The following MTA3 variants were observed in gnomAD, a reference collection of about 807,000 sequenced individuals.
The protein encoded by MTA3 is metastasis-associated protein MTA3.
Under a neutral mutation model 83.5 loss-of-function variants are expected in MTA3, and 34 were observed. The ratio of observed to expected loss-of-function variants is 0.41; its 90% CI spans 0.31 to 0.54. MTA3 has a LOEUF of 0.54. Among genes scored for constraint, MTA3 ranks in the 20% least tolerant of loss-of-function variants. The pLI, the probability that MTA3 is intolerant of heterozygous loss-of-function variation, is 0.33. For missense variants in MTA3, 761 were observed against 726.4 expected (o/e 1.05, Z -0.55); for synonymous variants, 303 against 252.7 (o/e 1.20, Z -1.89).
At chr2:42,704,078 C>G in intron 11 of MTA3, 116 bp from the exon 12 acceptor site, 1 of 1,190,916 alleles carries the variant, frequency 8.4e-7, no homozygotes, top group Non-Finnish European at 1.2e-6. Context: ...CTTCTTCACA[C>G]ATTTTAAAAT....
rs78043832 is a variant in MTA3, at chr2:42,673,477, G to A, written c.703-8924G>A. Reference sequence around the variant, plus strand: ...CCTATGATGAGTTTTTTGGGACGTAGCCATCAGTTGCAGAGCATTTGCAGT... The same window carrying A: ...CCTATGATGAGTTTTTTGGGACGTAACCATCAGTTGCAGAGCATTTGCAGT... On this transcript the variant is annotated intron_variant, in intron 8 of 16. Transcript: ENST00000405094. Among the ~76,000 whole-genome samples the A allele has an allele frequency of 6.6e-3, 998 of 152,268 alleles. 10 individuals carry two copies. The highest frequency in any genetic ancestry group is 0.022 in the African/African-American group (907 of 41,542).
At chr2:42,610,507 A>T (rs933594488) in intron 4 of MTA3, among the ~76,000 whole-genome samples, 2 of 152,214 alleles carry the variant, frequency 1.3e-5, no homozygotes, top group Non-Finnish European at 2.9e-5. Flanking sequence ...TCTACTGCAG[A>T]AAAAACAAAA....
rs1170167625 is a variant in MTA3, at chr2:42,753,755, C to G, written c.*356C>G. 5.2e-6 allele frequency: 6 copies of G among 1,147,486 alleles called. No individual in the cohort carries two copies. Among genetic ancestry groups the G allele is most frequent in the East Asian group, 6.0e-5 (1 of 16,704 alleles). 71.1% of individuals were successfully genotyped at this position (1,147,486 alleles called of 1,614,324 possible). On this transcript the variant is annotated 3_prime_UTR_variant, in exon 17 of 17. Transcript: ENST00000405094. The stretch of plus-strand genomic sequence containing the variant: ...CTTGGCAGTGGGGCTGCTGCAAGCT[C>G]AGAGCCGCTGCCACCCTGCATGTGT...
intron 4 of MTA3, among the ~76,000 whole-genome samples, chr2:42,633,950 A>G (rs1218552971): frequency 1.3e-5 from 2 of 152,172 alleles, no homozygotes; most frequent in African/African-American, 4.8e-5. Flanking sequence ...TGTTACCAAG[A>G]TATAATTAAG....
At chr2:42,506,325 A>G (rs963321363) in intron 2 of MTA3, among the ~76,000 whole-genome samples, 15 of 151,828 alleles carry the variant, frequency 9.9e-5, no homozygotes, top group African/African-American at 3.6e-4. Context: ...GTGGTACTCT[A>G]TGCCTGTGAT....
chr2:42,552,885 A>G (rs1183879054), intron 2 of MTA3, among the ~76,000 whole-genome samples: 3 of 150,946 alleles, frequency 2.0e-5, no homozygotes, highest in African/African-American at 7.3e-5. Flanking sequence ...AGGAGGTGGA[A>G]GCTGCATTGA....
intron 14 of MTA3, among the ~76,000 whole-genome samples, chr2:42,713,728 T>G (rs1666810904): frequency 6.6e-6 from 1 of 152,350 alleles, no homozygotes; most frequent in South Asian, 2.1e-4. Flanking sequence ...TGCTTTTTAC[T>G]TAACATACCG....
chr2:42,530,215 C>T (rs1675896037), intron 2 of MTA3, among the ~76,000 whole-genome samples: 2 of 150,612 alleles, frequency 1.3e-5, no homozygotes, highest in Admixed American at 6.6e-5. Context: ...CCATTGCCGG[C>T]ATGGTGGCTC....
chr2:42,698,063 T>G lies in MTA3; in HGVS notation c.1025+229T>G, dbSNP rs1028335713. Among the ~76,000 whole-genome samples, 5 of 152,320 alleles carry G rather than the reference T, an allele frequency of 3.3e-5. No homozygotes were observed. The East Asian group carries it at 9.6e-4, about 29-fold the overall frequency. On this transcript the variant is annotated intron_variant, in intron 11 of 16. Transcript: ENST00000405094. ...AGAAATGTACTATGTACTATACTTTTATTAAATCAAAGCTGCAGGGAAAGC... is the reference window on the plus strand; with the variant it reads ...AGAAATGTACTATGTACTATACTTTGATTAAATCAAAGCTGCAGGGAAAGC...
At chr2:42,750,465 A>C (rs900105534) in intron 16 of MTA3, among the ~76,000 whole-genome samples, 5 of 152,250 alleles carry the variant, frequency 3.3e-5, no homozygotes, top group African/African-American at 1.2e-4. Context: ...GAGACTAAAA[A>C]TCAGAGTGAA....
intron 8 of MTA3, among the ~76,000 whole-genome samples, chr2:42,667,302 T>A (rs1217651663): frequency 6.6e-6 from 1 of 152,182 alleles, no homozygotes; most frequent in South Asian, 2.1e-4. Context: ...AGATTCACTC[T>A]GGCATTACAT....
intron 2 of MTA3, among the ~76,000 whole-genome samples, chr2:42,533,849 A>T (rs1558419403): frequency 2.2e-5 from 3 of 137,884 alleles, no homozygotes. Flanking sequence ...AAAAAAAAAA[A>T]GGAAAATAAA....
intron 2 of MTA3, among the ~76,000 whole-genome samples, chr2:42,518,965 CAAA>C: frequency 7.6e-6 from 1 of 130,960 alleles, no homozygotes; most frequent in African/African-American, 2.9e-5. Flanking sequence ...GACCCTTTCT[CAAA>C]ACACACACAC....
At chr2:42,569,601 C>G (rs1453807731) in intron 1 of MTA3, 1 of 152,122 alleles carries the variant, frequency 6.6e-6, no homozygotes, top group Non-Finnish European at 1.5e-5. Context: ...TAAATGAGGC[C>G]ACTTTGCAGA....
chr2:42,536,866 A>AAAAG (rs1338682358), intron 2 of MTA3, among the ~76,000 whole-genome samples: 1 of 151,644 alleles, frequency 6.6e-6, no homozygotes, highest in East Asian at 1.9e-4. Flanking sequence ...CTCAAAAAAA[A>AAAAG]AAAAAAAAAA....
intron 3 of MTA3, among the ~76,000 whole-genome samples, chr2:42,592,289 C>G (rs1405486764): frequency 6.6e-6 from 1 of 151,272 alleles, no homozygotes; most frequent in African/African-American, 2.4e-5. Context: ...AAACAAAAAA[C>G]CAATTCATTT....
chr2:42,564,331 C>T (rs1348817119), upstream of MTA3, among the ~76,000 whole-genome samples: 2 of 152,178 alleles, frequency 1.3e-5, no homozygotes, highest in African/African-American at 4.8e-5. Context: ...ACTATGGGAT[C>T]CGAAAACACA....
At chr2:42,675,040 G>A (rs111404772) in intron 8 of MTA3, among the ~76,000 whole-genome samples, 5 of 151,840 alleles carry the variant, frequency 3.3e-5, no homozygotes, top group African/African-American at 7.3e-5. Flanking sequence ...GCCTCCCAGG[G>A]CCTCTCAAAA....
chr2:42,687,984 A>G (rs1385790552), intron 9 of MTA3, among the ~76,000 whole-genome samples: 1 of 152,246 alleles, frequency 6.6e-6, no homozygotes, highest in Non-Finnish European at 1.5e-5. Flanking sequence ...GTCGCTACTG[A>G]CAAGGGTTTT....
Sources: gnomAD v4.1 joint callset for allele counts (sites outside exome capture counted in the v4.1 genomes callset) on GRCh38, gnomAD v4.1.1 for gene constraint, MANE v1.5 for transcripts, NCBI Gene and HGNC (gene_info 2026-07-23, HGNC 2026-07-21) for gene names.